Variants in GLIS3 observed in about 807,000 individuals in gnomAD.
GLIS3 encodes GLIS family zinc finger 3, also known as zinc finger protein GLIS3.
In GLIS3, 53 loss-of-function variants were observed where a neutral mutation model predicts 78.6. The ratio of observed to expected loss-of-function variants is 0.67; its 90% confidence interval spans 0.54 to 0.85. The LOEUF is 0.85. Among genes scored for constraint, GLIS3 ranks in the 40% least tolerant of loss-of-function variants. The pLI is 0.00. For synonymous variants in GLIS3, 684 were observed against 509.9 expected (o/e 1.34, Z -4.60); for missense variants, 1,703 against 1,231.1 (o/e 1.38, Z -5.74).
At chr9:4,329,400 GA>G (rs1303513116) in intron 2 of GLIS3, among the ~76,000 whole-genome samples, 2 of 151,734 alleles carry the variant, frequency 1.3e-5, no homozygotes, top group African/African-American at 2.4e-5. Flanking sequence ...ATTGACAACT[GA>G]AAAAAAAGAT....
intron 2 of GLIS3, among the ~76,000 whole-genome samples, chr9:4,232,338 G>A (rs1192657250): frequency 2.1e-5 from 3 of 144,994 alleles, no homozygotes; most frequent in Non-Finnish European, 4.5e-5. Context: ...CTATGATCGT[G>A]CCTCTGTACT....
chr9:4,044,782 T>C (rs1825113687), intron 4 of GLIS3, among the ~76,000 whole-genome samples: 1 of 152,184 alleles, frequency 6.6e-6, no homozygotes, highest in South Asian at 2.1e-4. Context: ...AGCAAAAACC[T>C]GGGACTAACA....
intron 2 of GLIS3, chr9:4,150,939 C>A (rs1834628476): frequency 6.6e-6 from 1 of 152,098 alleles, no homozygotes; most frequent in Non-Finnish European, 1.5e-5. Flanking sequence ...GATGCAAATA[C>A]CTCTGAGGCA....
chr9:4,158,177 C>T (rs544534042), intron 2 of GLIS3, among the ~76,000 whole-genome samples: 1 of 152,086 alleles, frequency 6.6e-6, no homozygotes, highest in Non-Finnish European at 1.5e-5. Context: ...TTTATTCTGT[C>T]GAGAATTCCT....
intron 4 of GLIS3, among the ~76,000 whole-genome samples, chr9:4,028,525 A>G (rs941319563): frequency 7.9e-5 from 12 of 152,184 alleles, no homozygotes; most frequent in African/African-American, 2.9e-4. Flanking sequence ...CATATAGAAA[A>G]GAGTATAAAT....
intron 2 of GLIS3, among the ~76,000 whole-genome samples, chr9:4,337,131 A>G (rs1026228916): frequency 6.6e-6 from 1 of 152,262 alleles, no homozygotes; most frequent in Non-Finnish European, 1.5e-5. Flanking sequence ...AAATTGGTAC[A>G]ACTTTTCCCG....
chr9:4,438,601 A>G, the GLIS3 span, among the ~76,000 whole-genome samples: 1 of 152,162 alleles, frequency 6.6e-6, no homozygotes, highest in Non-Finnish European at 1.5e-5. Flanking sequence ...CTGTGTCCTC[A>G]CCCAAATCTC....
chr9:4,269,392 G>C (rs1412297658), intron 2 of GLIS3, among the ~76,000 whole-genome samples: 2 of 152,136 alleles, frequency 1.3e-5, no homozygotes, highest in Non-Finnish European at 2.9e-5. Flanking sequence ...TTCTTATTTA[G>C]GCTACACTTA....
intron 2 of GLIS3, among the ~76,000 whole-genome samples, chr9:4,163,824 T>C (rs1333552243): frequency 6.6e-6 from 1 of 152,214 alleles, no homozygotes; most frequent in Non-Finnish European, 1.5e-5. Context: ...GGTGGTGGTT[T>C]TGTTGTGCTT....
chr9:4,275,325 G>C (rs548746039), intron 2 of GLIS3, among the ~76,000 whole-genome samples: 3 of 152,188 alleles, frequency 2.0e-5, no homozygotes, highest in East Asian at 3.8e-4. Context: ...TGAATGGTTT[G>C]AGTTTTTAAA....
intron 2 of GLIS3, among the ~76,000 whole-genome samples, chr9:4,172,575 A>T (rs1233675764): frequency 2.0e-5 from 3 of 152,186 alleles, no homozygotes; most frequent in Non-Finnish European, 4.4e-5. Flanking sequence ...TTTTGGTAGC[A>T]AGCATGATAT....
At chr9:3,933,966 T>A (rs944727983) in intron 5 of GLIS3, among the ~76,000 whole-genome samples, 59 of 152,162 alleles carry the variant, frequency 3.9e-4, no homozygotes, top group African/African-American at 1.4e-3. Flanking sequence ...TGACTGACTG[T>A]TTGACTGGTT....
intron 4 of GLIS3, among the ~76,000 whole-genome samples, chr9:4,113,211 G>C (rs1369367500): frequency 6.6e-6 from 1 of 151,658 alleles, no homozygotes; most frequent in Non-Finnish European, 1.5e-5. Flanking sequence ...CTCCTTTATA[G>C]TATTTCATTA....
intron 4 of GLIS3, among the ~76,000 whole-genome samples, chr9:4,114,352 T>C (rs75075759): frequency 0.026 from 3,952 of 152,230 alleles, 193 homozygotes; most frequent in African/African-American, 0.091. Flanking sequence ...GGATGATTAG[T>C]GTACATCTAT....
chr9:3,874,140 G>A (rs1197525961), intron 8 of GLIS3, among the ~76,000 whole-genome samples: 1 of 152,088 alleles, frequency 6.6e-6, no homozygotes, highest in Non-Finnish European at 1.5e-5. Flanking sequence ...GGCAACTGGA[G>A]AGACCAAGGC....
chr9:4,159,033 G>GAAAAAAAAAAAAAAAAAAAAAAA (rs1315271767), intron 2 of GLIS3, among the ~76,000 whole-genome samples: 2 of 87,654 alleles, frequency 2.3e-5, no homozygotes, highest in African/African-American at 8.1e-5. Context: ...AGGAGAAGAA[G>GAAAAAAAAAAAAAAAAAAAAAAA]AAAAAAAAAA....
At chr9:4,437,420 G>GTATGTATGTATGTATC in the GLIS3 span, among the ~76,000 whole-genome samples, 471 of 127,020 alleles carry the variant, frequency 3.7e-3, 1 homozygote, top group African/African-American at 0.011. Context: ...ATGTATGTAT[G>GTATGTATGTATGTATC]TATCTATCTA....
At chr9:3,907,278 G>C (rs1393151823) in intron 6 of GLIS3, among the ~76,000 whole-genome samples, 2 of 152,148 alleles carry the variant, frequency 1.3e-5, no homozygotes, top group African/African-American at 4.8e-5. Flanking sequence ...AGCAGTGTGG[G>C]ACCAGCATCA....
chr9:4,092,949 C>T lies in GLIS3; in HGVS notation c.1710+24819G>A, dbSNP rs112882362. ...TTCACACCAGAATCACCCCCATGCACGTGAATAATGAATTGCTCCATGATG... is the reference window on the plus strand; with the variant it reads ...TTCACACCAGAATCACCCCCATGCATGTGAATAATGAATTGCTCCATGATG... On this transcript the variant is annotated intron_variant, in intron 4 of 10. Transcript: ENST00000381971. Among the ~76,000 whole-genome samples, 556 of 152,244 alleles carry T rather than the reference C, an allele frequency of 3.7e-3. 3 individuals are homozygous for T. Among genetic ancestry groups the T allele is most frequent in the African/African-American group, 0.012 (503 of 41,532 alleles).
Sources: gnomAD v4.1 joint callset for allele counts (sites outside exome capture counted in the v4.1 genomes callset) on GRCh38, gnomAD v4.1.1 for gene constraint, MANE v1.5 for transcripts, NCBI Gene and HGNC (gene_info 2026-07-23, HGNC 2026-07-21) for gene names.